Variants in CASS4 observed in about 807,000 individuals in gnomAD.
CASS4 encodes the protein Cas scaffold protein family member 4.
Under a neutral mutation model 54.2 loss-of-function variants are expected in CASS4, and 22 were observed. That is an observed-to-expected ratio of 0.41 (90% CI 0.29 to 0.58). The LOEUF (loss-of-function observed/expected upper bound fraction) is 0.58. CASS4 is among the 20% of genes least tolerant of loss of function. CASS4 has a pLI of 0.36. For synonymous variants in CASS4, 409 were observed against 391.5 expected, an observed-to-expected ratio of 1.04 and a Z score of -0.53; for missense variants, 854 against 986.7, an observed-to-expected ratio of 0.87 and a Z score of 1.80.
chr20:56,441,005 T>TTTGG (rs1980429073), intron 2 of CASS4, among the ~76,000 whole-genome samples: 1 of 149,028 alleles, frequency 6.7e-6, no homozygotes, highest in African/African-American at 2.5e-5. Flanking sequence ...TTTTTTTTTT[T>TTTGG]GGAGGCAGAA....
At position 56,445,582 on chromosome 20, in the gene CASS4, C is replaced by T. The variant is rs1980666028; in HGVS notation, c.460-318C>T. On this transcript the variant is annotated intron_variant, in intron 2 of 5. Coordinates refer to ENST00000679887, the MANE Select transcript of CASS4 (RefSeq NM_020356.4). The stretch of plus-strand genomic sequence containing the variant: ...GCTTGTTAACACTGCAGGTTCCCGG[C>T]CCCCCTCGACACCCAGAGACTCCGT... Among the ~76,000 whole-genome samples, 3 of 152,204 alleles carry T rather than the reference C, an allele frequency of 2.0e-5. No individual in the cohort carries two copies. In the South Asian group the frequency reaches 6.2e-4, roughly 31 times the overall value.
chr20:56,436,768 T>A (rs950534756), intron 1 of CASS4, among the ~76,000 whole-genome samples: 2 of 152,082 alleles, frequency 1.3e-5, no homozygotes, highest in African/African-American at 4.8e-5. Context: ...GCATGTGTAG[T>A]CCCAGCTACT....
At chr20:56,448,264 C>T (rs573996335) in intron 3 of CASS4, among the ~76,000 whole-genome samples, 5 of 152,152 alleles carry the variant, frequency 3.3e-5, no homozygotes, top group Non-Finnish European at 7.4e-5. Flanking sequence ...TTTTGTTCAC[C>T]ATGATTTTTT....
chr20:56,451,793 G>A (rs370729166), intron 4 of CASS4, 26 bp from the exon 5 acceptor site: 200 of 1,568,802 alleles, frequency 1.3e-4, no homozygotes, highest in Non-Finnish European at 1.6e-4. Context: ...CTACTAACCC[G>A]GCAACTATGT....
chr20:56,437,328 C>A lies in CASS4; in HGVS notation c.201C>A (p.Arg67=), dbSNP rs202201331. ...HGRQGLAPAN[R]LQILTEVAAD... The stretch of plus-strand genomic sequence containing the variant: ...GGCAAGGCCTGGCCCCTGCCAACCG[C>A]CTCCAAATCCTCACGGAGGTCGCTG... Residue 67 remains arginine (R), a synonymous_variant, in exon 2 of 6, where the codon CGC becomes CGA. Coordinates refer to ENST00000679887, the MANE Select transcript of CASS4 (RefSeq NM_020356.4). This position sits in a 1 kb window ranked among gnomAD's most constrained non-coding sequence, Gnocchi z 4.7. 15 of 1,614,076 alleles carry A rather than the reference C, an allele frequency of 9.3e-6. No individual in the cohort carries two copies. The African/African-American group carries it at 1.9e-4, about 20-fold the overall frequency.
Position 56,450,927 on chromosome 20 carries a change from G to C in CASS4, c.642+248G>C, listed in dbSNP as rs1174611974. Among the ~76,000 whole-genome samples, 6 of 151,904 alleles carry C rather than the reference G, an allele frequency of 3.9e-5. No individual in the cohort carries two copies. In the East Asian group the frequency reaches 1.2e-3, roughly 29 times the overall value. On this transcript the variant is annotated intron_variant, in intron 4 of 5. Coordinates refer to ENST00000679887, the MANE Select transcript of CASS4 (RefSeq NM_020356.4). Reference sequence around the variant, plus strand: ...TGGGCGCCTGTAATCCCAGCACTTTGGGAGGCTGAGGTGGGCAGATCACTT... The same window carrying C: ...TGGGCGCCTGTAATCCCAGCACTTTCGGAGGCTGAGGTGGGCAGATCACTT...
intron 2 of CASS4, among the ~76,000 whole-genome samples, chr20:56,439,727 G>A (rs1201141558): frequency 6.6e-6 from 1 of 152,032 alleles, no homozygotes; most frequent in Non-Finnish European, 1.5e-5. Context: ...TTTTAATAAG[G>A]AAAAGAATTA....
At chr20:56,425,173 C>T (rs1243547624) in intron 1 of CASS4, among the ~76,000 whole-genome samples, 1 of 152,202 alleles carries the variant, frequency 6.6e-6, no homozygotes, top group Non-Finnish European at 1.5e-5. Context: ...GTTCAAGGAT[C>T]ACTGGGATAG....
At chr20:56,451,154 T>C (rs1203308084) in intron 4 of CASS4, among the ~76,000 whole-genome samples, 1 of 152,210 alleles carries the variant, frequency 6.6e-6, no homozygotes, top group South Asian at 2.1e-4. Context: ...ATAGGACTAA[T>C]TACGTGGTTG....
intron 2 of CASS4, among the ~76,000 whole-genome samples, chr20:56,441,160 T>C (rs931370229): frequency 2.0e-5 from 3 of 147,530 alleles, no homozygotes; most frequent in Non-Finnish European, 3.0e-5. Context: ...GGCTAAATTT[T>C]TTTTGTATTT....
At chr20:56,432,615 G>A (rs762763686) in intron 1 of CASS4, among the ~76,000 whole-genome samples, 4 of 152,032 alleles carry the variant, frequency 2.6e-5, no homozygotes, top group Admixed American at 6.6e-5. Context: ...TCATCCACAC[G>A]CTTTGGCCTC....
chr20:56,452,866 A>C lies in CASS4; in HGVS notation c.1690A>C (p.Met564Leu), dbSNP rs778255229. ...NSPDDLERFV[M>L]VARMLPEDIK... Reference sequence around the variant, plus strand: ...CCCAGATGACCTTGAGAGGTTTGTCATGGTGGCACGGATGCTTCCAGAAGA... The same window carrying C: ...CCCAGATGACCTTGAGAGGTTTGTCCTGGTGGCACGGATGCTTCCAGAAGA... The change falls in exon 5 of 6, where the codon ATG becomes CTG. Residue 564 changes from methionine (M) to leucine (L), a missense_variant. Met to Leu is a conservative substitution (Grantham distance 15). Transcript: ENST00000679887. The C allele has an allele frequency of 1.2e-6, 2 of 1,614,080 alleles. No homozygotes were observed. The highest frequency in any genetic ancestry group is 2.2e-5 in the East Asian group (1 of 44,850).
chr20:56,427,881 G>A (rs967174124), intron 1 of CASS4, among the ~76,000 whole-genome samples: 9 of 152,212 alleles, frequency 5.9e-5, no homozygotes, highest in East Asian at 1.9e-4. Flanking sequence ...GAAGGAAGCC[G>A]AAATGCGAAA....
intron 4 of CASS4, 139 bp from the exon 5 acceptor site, chr20:56,451,679 AG>A (rs1489512231): frequency 1.5e-6 from 1 of 662,608 alleles, no homozygotes; most frequent in East Asian, 2.7e-5. Flanking sequence ...GAGGCTCAAA[AG>A]AATCCTGAAG....
Position 56,452,758 on chromosome 20 carries a change from C to T in CASS4, c.1582C>T (p.Arg528Cys), listed in dbSNP as rs529524026. The T allele has an allele frequency of 7.4e-6, 12 of 1,614,026 alleles. No homozygotes were observed. Among genetic ancestry groups the T allele is most frequent in the Admixed American group, 1.7e-5 (1 of 60,006 alleles). Residue 528 changes from arginine (R) to cysteine (C), a missense_variant, in exon 5 of 6, where the codon CGC (arginine) becomes TGC (cysteine). Transcript: ENST00000679887. ...DQMQTISNSYRILLETKESLD... is the reference protein window; with the variant it reads ...DQMQTISNSYCILLETKESLD... ...GATGCAGACCATCTCCAACTCCTAC[C>T]GCATCCTGCTTGAAACAAAGGAAAG... is the stretch of plus-strand genomic sequence containing the variant.
Position 56,458,449 on chromosome 20 carries a change from G to C in CASS4, c.2063G>C (p.Ser688Thr), listed in dbSNP as rs143861124. The C allele has an allele frequency of 2.0e-4, 327 of 1,614,186 alleles. 2 individuals carry two copies. The African/African-American group carries it at 3.7e-3, about 18-fold the overall frequency. The change falls in exon 6 of 6, where the codon AGC (serine) becomes ACC (threonine). Residue 688 changes from serine (S) to threonine (T), a missense_variant. Physicochemically the swap from Ser to Thr is moderately conservative, Grantham distance 58. Coordinates refer to ENST00000679887, the MANE Select transcript of CASS4 (RefSeq NM_020356.4). ...LYFGALFKAI[S>T]AFHGSLSSSQ... ...TTTGGGGCGCTCTTCAAAGCCATCA[G>C]CGCATTTCACGGCAGCCTCAGCAGC...
At position 56,430,481 on chromosome 20, in the gene CASS4, AC is replaced by A. The variant is rs1299218229; in HGVS notation, c.37-6682del. On this transcript the variant is annotated intron_variant, in intron 1 of 5. Coordinates refer to ENST00000679887, the MANE Select transcript of CASS4 (RefSeq NM_020356.4). This position sits in a 1 kb window ranked among gnomAD's most constrained non-coding sequence, Gnocchi z 4.2. ...ATCCTCCTTCACCTCTGAAATTTCT[AC>A]ACAAATATTTCCAAATTAACACTCT... Among the ~76,000 whole-genome samples, 7 of 152,324 alleles carry A rather than the reference AC, an allele frequency of 4.6e-5. No individual in the cohort carries two copies. The highest frequency in any genetic ancestry group is 4.1e-4 in the South Asian group (2 of 4,830).
At chr20:56,412,255 G>T, upstream of CASS4, 1 of 594,676 alleles carries the variant, frequency 1.7e-6, no homozygotes, top group Non-Finnish European at 3.0e-6. This position sits in a 1 kb window ranked among gnomAD's most constrained non-coding sequence, Gnocchi z 4.2. Context: ...CTGCTTCACT[G>T]CTTTCATTTT....
intron 1 of CASS4, among the ~76,000 whole-genome samples, chr20:56,434,603 AT>A (rs201927658): frequency 0.061 from 8,660 of 141,594 alleles, 463 homozygotes; most frequent in African/African-American, 0.14. Flanking sequence ...CTCCCAGCTA[AT>A]TTTTTTTTTT....
Sources: gnomAD v4.1 joint callset for allele counts (sites outside exome capture counted in the v4.1 genomes callset) on GRCh38, gnomAD v4.1.1 for gene constraint, Gnocchi (gnomAD v3.1) non-coding constraint, MANE v1.5 for transcripts, NCBI Gene and HGNC (gene_info 2026-07-23, HGNC 2026-07-21) for gene names.